The following ERO1A variants were observed in gnomAD, a reference collection of about 807,000 sequenced individuals.
The protein encoded by ERO1A is ERO1-like protein alpha.
ERO1A carries 49 observed loss-of-function variants against 76.9 expected under a neutral mutation model. The observed-to-expected ratio is 0.64, with a 90% CI of 0.51 to 0.81. The LOEUF (loss-of-function observed/expected upper bound fraction) is 0.81. Among genes scored for constraint, ERO1A ranks in the 30% least tolerant of loss-of-function variants. The pLI, the probability that ERO1A is intolerant of heterozygous loss-of-function variation, is 0.00. For synonymous variants in ERO1A, 174 were observed against 181.2 expected (o/e 0.96, Z 0.32); for missense variants, 448 against 542.1 (o/e 0.83, Z 1.72).
In ERO1A at chr14:52,653,071, G is replaced by C. The variant is rs752521942; in HGVS notation, c.1053C>G (p.Ile351Met). The change falls in exon 12 of 16, where the codon ATC (isoleucine) becomes ATG (methionine). Residue 351 changes from isoleucine to methionine, a missense_variant and splice_region_variant. Ile to Met is a conservative substitution (Grantham distance 10). Transcript: ENST00000395686. ...KMLLLEILHE[I>M]KSFPLHFDEN... ...ATAAAGTTTAATATATAATTTACTT[G>C]ATTTCATGAAGTATTTCCAGAAGTA... The C allele has an allele frequency of 5.4e-6, 8 of 1,487,870 alleles. No individual in the cohort carries two copies. Among genetic ancestry groups the C allele is most frequent in the African/African-American group, 1.4e-5 (1 of 72,036 alleles). The allele number at this position is 1,487,870 out of a possible 1,614,324, so 92.2% of individuals were successfully genotyped here.
At chr14:52,668,840 C>A (rs2040504653) in intron 6 of ERO1A, among the ~76,000 whole-genome samples, 1 of 148,928 alleles carries the variant, frequency 6.7e-6, no homozygotes. Flanking sequence ...TTAAATATTA[C>A]TATAATTATA....
chr14:52,679,608 A>G (rs868478990), intron 3 of ERO1A, among the ~76,000 whole-genome samples: 8 of 152,070 alleles, frequency 5.3e-5, no homozygotes, highest in African/African-American at 1.9e-4. Context: ...ATGTTGGCCA[A>G]GCTGACCTCA....
At chr14:52,651,471 GA>G (rs2039866071) in intron 13 of ERO1A, among the ~76,000 whole-genome samples, 1 of 122,534 alleles carries the variant, frequency 8.2e-6, no homozygotes, top group African/African-American at 2.8e-5. Flanking sequence ...TCATCAATGT[GA>G]AAGGCATCTA....
At chr14:52,659,943 C>G (rs1022713231) in intron 9 of ERO1A, among the ~76,000 whole-genome samples, 5 of 152,100 alleles carry the variant, frequency 3.3e-5, no homozygotes, top group African/African-American at 1.2e-4. Flanking sequence ...AAGTGATCCT[C>G]CCATCTCAGC....
chr14:52,684,600 T>C (rs1027580569), intron 1 of ERO1A, among the ~76,000 whole-genome samples: 2 of 152,172 alleles, frequency 1.3e-5, no homozygotes, highest in African/African-American at 4.8e-5. Context: ...TAACAATTTC[T>C]TAAAGGTTTG....
intron 4 of ERO1A, among the ~76,000 whole-genome samples, chr14:52,673,179 T>C (rs183957449): frequency 6.6e-6 from 1 of 152,044 alleles, no homozygotes; most frequent in African/African-American, 2.4e-5. Flanking sequence ...AGCCTCAACC[T>C]CCCAGGCTCA....
chr14:52,649,650 A>G (rs1290374642), intron 13 of ERO1A, among the ~76,000 whole-genome samples: 1 of 145,056 alleles, frequency 6.9e-6, no homozygotes, highest in South Asian at 2.2e-4. Flanking sequence ...CAAGTAAACT[A>G]AAAAAAAAAA....
At chr14:52,658,388 A>T in intron 9 of ERO1A, 2 of 437,748 alleles carry the variant, frequency 4.6e-6, no homozygotes, top group South Asian at 3.2e-5. Flanking sequence ...AGGTTGACCC[A>T]GTCTCATAAC....
intron 4 of ERO1A, among the ~76,000 whole-genome samples, chr14:52,673,586 CA>C (rs1439738881): frequency 2.0e-5 from 3 of 152,168 alleles, no homozygotes; most frequent in Admixed American, 6.5e-5. Flanking sequence ...TTCGAAGCCT[CA>C]AAACATTTAT....
intron 7 of ERO1A, 55 bp from the exon 8 acceptor site, chr14:52,663,902 T>C: frequency 9.7e-7 from 1 of 1,030,394 alleles, no homozygotes. Context: ...AATCATGTTA[T>C]ATTTAAGTGA....
chr14:52,670,793 G>A (rs1224588778), intron 6 of ERO1A, among the ~76,000 whole-genome samples: 1 of 152,080 alleles, frequency 6.6e-6, no homozygotes, highest in Non-Finnish European at 1.5e-5. Context: ...ACATAGAACT[G>A]CAAAACTTAA....
intron 4 of ERO1A, among the ~76,000 whole-genome samples, chr14:52,677,864 T>TAAAAA (rs71267893): frequency 1.0e-4 from 9 of 87,136 alleles, no homozygotes; most frequent in African/African-American, 2.3e-4. Context: ...CCTTTTATCT[T>TAAAAA]AAAAAAAAAA....
chr14:52,644,086 G>C (rs913364613), intron 15 of ERO1A, among the ~76,000 whole-genome samples: 5 of 152,104 alleles, frequency 3.3e-5, no homozygotes, highest in Non-Finnish European at 5.9e-5. Context: ...GTTACAGTGA[G>C]CTATGATCAT....
chr14:52,653,970 G>A (rs1257178805), intron 11 of ERO1A, among the ~76,000 whole-genome samples: 7 of 152,052 alleles, frequency 4.6e-5, no homozygotes, highest in Non-Finnish European at 8.8e-5. Context: ...TAGAGTAAGT[G>A]TGTTTGGGTG....
intron 1 of ERO1A, among the ~76,000 whole-genome samples, chr14:52,690,172 G>GA (rs887930581): frequency 2.0e-5 from 3 of 151,924 alleles, no homozygotes; most frequent in African/African-American, 7.3e-5. Flanking sequence ...AAGACTCCTA[G>GA]AAAAAAACAT....
chr14:52,662,802 A>G (rs531044488), intron 8 of ERO1A, among the ~76,000 whole-genome samples: 2 of 152,340 alleles, frequency 1.3e-5, no homozygotes, highest in African/African-American at 4.8e-5. Context: ...CTGATCATGT[A>G]TCTAACAAAC....
intron 1 of ERO1A, among the ~76,000 whole-genome samples, chr14:52,688,152 C>T (rs1379498789): frequency 1.3e-5 from 2 of 151,762 alleles, no homozygotes; most frequent in Admixed American, 6.6e-5. Context: ...TGCCAATGTA[C>T]TCCAGCCTAA....
chr14:52,664,840 C>T (rs1446738241), intron 7 of ERO1A, among the ~76,000 whole-genome samples: 3 of 152,028 alleles, frequency 2.0e-5, no homozygotes, highest in Non-Finnish European at 2.9e-5. Flanking sequence ...TACAGGTGCC[C>T]ACCACTACGC....
intron 1 of ERO1A, among the ~76,000 whole-genome samples, chr14:52,685,426 C>A (rs369625649): frequency 1.2e-4 from 18 of 152,090 alleles, no homozygotes; most frequent in African/African-American, 4.3e-4. Flanking sequence ...ATTTTGGATA[C>A]CAACAACACA....
Sources: gnomAD v4.1 joint callset for allele counts (sites outside exome capture counted in the v4.1 genomes callset) on GRCh38, gnomAD v4.1.1 for gene constraint, MANE v1.5 for transcripts, NCBI Gene and HGNC (gene_info 2026-07-23, HGNC 2026-07-21) for gene names.